The following MED13L variants were observed in gnomAD, a reference collection of about 807,000 sequenced individuals.
The protein encoded by MED13L is mediator of RNA polymerase II transcription subunit 13-like.
Under a neutral mutation model 220.9 loss-of-function variants are expected in MED13L, and 7 were observed. The observed-to-expected ratio is 0.03, with a 90% CI of 0.02 to 0.06. The LOEUF (loss-of-function observed/expected upper bound fraction) is 0.06. MED13L is among the 10% of genes least tolerant of loss of function. MED13L has a pLI of 1.00. For missense variants in MED13L, 1,965 were observed against 2,760.5 expected, an observed-to-expected ratio of 0.71 and a Z score of 6.46; for synonymous variants, 1,011 against 1,015.2, an observed-to-expected ratio of 1.00 and a Z score of 0.08.
At chr12:115,976,730 A>G (rs193031083) in intron 23 of MED13L, among the ~76,000 whole-genome samples, 238 of 152,324 alleles carry the variant, frequency 1.6e-3, no homozygotes, top group African/African-American at 5.6e-3. Flanking sequence ...TTTAATTGTC[A>G]TATTTTTTAC....
intron 2 of MED13L, among the ~76,000 whole-genome samples, chr12:116,171,973 C>T (rs187460786): frequency 7.2e-5 from 11 of 152,156 alleles, no homozygotes; most frequent in Non-Finnish European, 1.5e-4. Context: ...TTTTAATCAA[C>T]TTCATGAAGA....
At position 116,046,244 on chromosome 12, in the gene MED13L, T is replaced by C. The variant is rs528969789; in HGVS notation, c.480-23643A>G. Among the ~76,000 whole-genome samples, 21 of 152,304 alleles carry C rather than the reference T, an allele frequency of 1.4e-4. No homozygotes were observed. The South Asian group carries it at 2.9e-3, about 21-fold the overall frequency. Reference sequence around the variant, plus strand: ...TATTTTCAAAAGCTGAATCAGCTAATTTTGAATAGTCAGTGTAAAAAACAA... The same window carrying C: ...TATTTTCAAAAGCTGAATCAGCTAACTTTGAATAGTCAGTGTAAAAAACAA... On this transcript the variant is annotated intron_variant, in intron 4 of 30. Transcript: ENST00000281928.
Position 116,184,218 on chromosome 12 carries a change from C to A in MED13L, c.310+53250G>T, listed in dbSNP as rs149123255. Among the ~76,000 whole-genome samples the A allele has an allele frequency of 4.8e-3, 724 of 152,278 alleles. 4 individuals carry two copies. The highest frequency in any genetic ancestry group is 0.017 in the African/African-American group (696 of 41,562). On this transcript the variant is annotated intron_variant, in intron 2 of 30. Transcript: ENST00000281928. Reference sequence around the variant, plus strand: ...AAATTTGCCACAATCTTTAGTTAAACCTTAAACTTTAGGATAGTTACAATC... The same window carrying A: ...AAATTTGCCACAATCTTTAGTTAAAACTTAAACTTTAGGATAGTTACAATC...
intron 1 of MED13L, among the ~76,000 whole-genome samples, chr12:116,239,350 A>C (rs1870398258): frequency 6.6e-6 from 1 of 152,208 alleles, no homozygotes; most frequent in African/African-American, 2.4e-5. Flanking sequence ...CTACATGGCC[A>C]ATATAAAAAG....
intron 2 of MED13L, among the ~76,000 whole-genome samples, chr12:116,141,975 T>A (rs1257851607): frequency 6.6e-6 from 1 of 152,094 alleles, no homozygotes; most frequent in African/African-American, 2.4e-5. Context: ...TGGTCCTTCA[T>A]CAGACCAATT....
intron 4 of MED13L, among the ~76,000 whole-genome samples, chr12:116,042,630 C>CT (rs1321210887): frequency 1.3e-5 from 2 of 152,138 alleles, no homozygotes; most frequent in Admixed American, 6.5e-5. Context: ...AACTTTTCTG[C>CT]TTTTTTATTA....
intron 1 of MED13L, among the ~76,000 whole-genome samples, chr12:116,272,695 G>C (rs952722604): frequency 1.3e-5 from 2 of 152,142 alleles, no homozygotes; most frequent in Non-Finnish European, 2.9e-5. Flanking sequence ...TTCCCAGTGA[G>C]TACTTCAAGC....
chr12:116,040,732 T>C (rs959392553), intron 4 of MED13L, among the ~76,000 whole-genome samples: 2 of 150,940 alleles, frequency 1.3e-5, no homozygotes, highest in African/African-American at 4.9e-5. Context: ...CACAGTGGAA[T>C]AGTATACAGC....
chr12:116,231,203 C>G (rs1041509184), intron 2 of MED13L, among the ~76,000 whole-genome samples: 2 of 152,146 alleles, frequency 1.3e-5, no homozygotes, highest in Non-Finnish European at 2.9e-5. Flanking sequence ...CTCAAAGTTT[C>G]ATCCCAAATT....
chr12:116,127,048 C>T (rs573991990), intron 2 of MED13L, among the ~76,000 whole-genome samples: 4 of 152,276 alleles, frequency 2.6e-5, no homozygotes, highest in Middle Eastern at 3.4e-3. Flanking sequence ...GAAACATAGG[C>T]TATCAATAGT....
At chr12:116,150,755 C>T (rs1705903634) in intron 2 of MED13L, among the ~76,000 whole-genome samples, 1 of 152,108 alleles carries the variant, frequency 6.6e-6, no homozygotes, top group African/African-American at 2.4e-5. Context: ...TTATGGACAA[C>T]CTAGAATTAC....
intron 1 of MED13L, among the ~76,000 whole-genome samples, chr12:116,259,591 GTTCT>G (rs1289890561): frequency 1.3e-5 from 2 of 152,176 alleles, no homozygotes; most frequent in African/African-American, 4.8e-5. Flanking sequence ...GTGGTGAAAA[GTTCT>G]TTCTCTTAAA....
intron 2 of MED13L, among the ~76,000 whole-genome samples, chr12:116,234,656 T>A (rs1451069899): frequency 6.6e-6 from 1 of 152,090 alleles, no homozygotes; most frequent in Non-Finnish European, 1.5e-5. Flanking sequence ...ATTCTGCTAC[T>A]ATTTATTTAT....
chr12:116,095,952 A>G (rs191710899), intron 4 of MED13L, among the ~76,000 whole-genome samples: 2 of 152,322 alleles, frequency 1.3e-5, no homozygotes, highest in Admixed American at 1.3e-4. Context: ...CTGGTTTTAC[A>G]ATCGTCAAAG....
intron 23 of MED13L, among the ~76,000 whole-genome samples, chr12:115,978,768 T>TAATA (rs1877129635): frequency 6.6e-6 from 1 of 152,244 alleles, no homozygotes; most frequent in Non-Finnish European, 1.5e-5. Context: ...ATCTTAGATA[T>TAATA]AATAGATAGC....
At chr12:116,259,243 T>C (rs1328920498) in intron 1 of MED13L, among the ~76,000 whole-genome samples, 1 of 152,128 alleles carries the variant, frequency 6.6e-6, no homozygotes, top group East Asian at 1.9e-4. Flanking sequence ...TTGAAGACAA[T>C]GTTAAGCGGA....
At chr12:116,230,146 G>A (rs954007551) in intron 2 of MED13L, among the ~76,000 whole-genome samples, 3 of 152,014 alleles carry the variant, frequency 2.0e-5, no homozygotes, top group Non-Finnish European at 4.4e-5. Flanking sequence ...GCTCACACCT[G>A]TAATCCCAGC....
intron 2 of MED13L, among the ~76,000 whole-genome samples, chr12:116,150,822 C>T (rs1362500663): frequency 1.3e-5 from 2 of 152,136 alleles, no homozygotes; most frequent in African/African-American, 4.8e-5. Context: ...ACATATGGTA[C>T]TTCAGGGGTG....
rs762794873 is a variant in MED13L, at chr12:116,008,585, C to T, written c.1828G>A (p.Ala610Thr). The T allele has an allele frequency of 1.2e-6, 2 of 1,613,938 alleles. No individual in the cohort carries two copies. Among genetic ancestry groups the T allele is most frequent in the African/African-American group, 2.7e-5 (2 of 74,926 alleles). ...VLVGQRLPLM[A>T]EVSETALYCG... ...TATAAGGCTGTCTCGCTGACCTCTGCCATGAGAGGCAGTCTTTGGCCTACG... is the reference window on the plus strand; with the variant it reads ...TATAAGGCTGTCTCGCTGACCTCTGTCATGAGAGGCAGTCTTTGGCCTACG... Residue 610 changes from alanine (A) to threonine (T), a missense_variant, in exon 10 of 31, where the codon GCA (alanine) becomes ACA (threonine). Ala to Thr is a moderately conservative substitution (Grantham distance 58). Around this residue, in one of 10 missense-constraint regions of MED13L, gnomAD observed 818 missense variants for 1,041.2 expected, o/e 0.79. Coordinates refer to ENST00000281928, the MANE Select transcript of MED13L (RefSeq NM_015335.5).
Sources: gnomAD v4.1 joint callset for allele counts (sites outside exome capture counted in the v4.1 genomes callset) on GRCh38, gnomAD v4.1.1 for gene constraint, gnomAD v4.1.1 regional missense constraint, MANE v1.5 for transcripts, NCBI Gene and HGNC (gene_info 2026-07-23, HGNC 2026-07-21) for gene names.